The following ADK variants were observed in gnomAD, a reference collection of about 807,000 sequenced individuals.
ADK encodes the protein adenosine kinase, also known as N6,N6-dimethyladenosine kinase.
Under a neutral mutation model 44.7 loss-of-function variants are expected in ADK, and 24 were observed. The ratio of observed to expected loss-of-function variants is 0.54; its 90% confidence interval spans 0.39 to 0.76. ADK has a LOEUF of 0.76. ADK is among the 30% of genes least tolerant of loss of function. The pLI is 0.00. For synonymous variants in ADK, 128 were observed against 142.6 expected, an observed-to-expected ratio of 0.90 and a Z score of 0.73; for missense variants, 321 against 425.1, an observed-to-expected ratio of 0.76 and a Z score of 2.15.
chr10:74,422,366 A>C (rs960947536), intron 6 of ADK, among the ~76,000 whole-genome samples: 1 of 152,244 alleles, frequency 6.6e-6, no homozygotes, highest in Non-Finnish European at 1.5e-5. Flanking sequence ...AGAAGAGACT[A>C]CAGAGTCATG....
intron 10 of ADK, among the ~76,000 whole-genome samples, chr10:74,676,059 A>G (rs77100218): frequency 2.0e-5 from 3 of 151,234 alleles, no homozygotes; most frequent in Non-Finnish European, 3.0e-5. Flanking sequence ...AAAAAAAAAA[A>G]CACCTTCATT....
chr10:74,225,763 C>G (rs1411898467), intron 3 of ADK, among the ~76,000 whole-genome samples: 1 of 152,080 alleles, frequency 6.6e-6, no homozygotes, highest in African/African-American at 2.4e-5. Context: ...ATAGTGGGTT[C>G]TCAAATATAT....
intron 6 of ADK, among the ~76,000 whole-genome samples, chr10:74,514,667 T>C (rs1848489835): frequency 1.3e-5 from 2 of 152,208 alleles, no homozygotes; most frequent in Non-Finnish European, 1.5e-5. Context: ...CTCCTGACTT[T>C]GTTGAGTTAT....
At chr10:74,572,627 C>T (rs1851011975) in intron 7 of ADK, among the ~76,000 whole-genome samples, 1 of 152,218 alleles carries the variant, frequency 6.6e-6, no homozygotes, top group South Asian at 2.1e-4. Flanking sequence ...CTCCCCGTCA[C>T]TTTCAGGTAC....
intron 6 of ADK, among the ~76,000 whole-genome samples, chr10:74,478,862 G>T (rs1846956949): frequency 6.6e-6 from 1 of 152,134 alleles, no homozygotes; most frequent in Non-Finnish European, 1.5e-5. Flanking sequence ...GCTTACAAAA[G>T]GATTCGTTTC....
intron 3 of ADK, among the ~76,000 whole-genome samples, chr10:74,262,149 T>C (rs1469847726): frequency 1.3e-5 from 2 of 151,946 alleles, no homozygotes; most frequent in Non-Finnish European, 2.9e-5. Flanking sequence ...CGAAACCCTG[T>C]GTCTACTAAA....
chr10:74,654,668 C>T (rs867594511), intron 9 of ADK, among the ~76,000 whole-genome samples: 3 of 152,116 alleles, frequency 2.0e-5, no homozygotes, highest in Non-Finnish European at 2.9e-5. Flanking sequence ...AAAAATTAGC[C>T]GGGTGTGGTG....
intron 3 of ADK, among the ~76,000 whole-genome samples, chr10:74,249,569 T>A (rs1424260182): frequency 6.6e-6 from 1 of 152,128 alleles, no homozygotes; most frequent in Non-Finnish European, 1.5e-5. Context: ...GACATAGGTC[T>A]TACAAAGTTC....
intron 6 of ADK, among the ~76,000 whole-genome samples, chr10:74,426,416 A>G (rs1431476142): frequency 1.3e-5 from 2 of 152,244 alleles, no homozygotes; most frequent in Non-Finnish European, 2.9e-5. Flanking sequence ...ATAGACTACT[A>G]TGTTTATAAA....
intron 1 of ADK, among the ~76,000 whole-genome samples, chr10:74,195,920 G>A (rs1352254864): frequency 2.6e-5 from 4 of 150,988 alleles, no homozygotes; most frequent in Admixed American, 6.6e-5. Context: ...GAGGCAATGC[G>A]CCCGCCTCAG....
intron 7 of ADK, among the ~76,000 whole-genome samples, chr10:74,567,699 GT>G (rs56042541): frequency 0.024 from 2,738 of 112,266 alleles, 25 homozygotes; most frequent in African/African-American, 0.059. Context: ...TGTTTTTTTT[GT>G]TTTTTTTTTT....
At chr10:74,520,875 C>T (rs16931472) in intron 6 of ADK, among the ~76,000 whole-genome samples, 4,531 of 152,204 alleles carry the variant, frequency 0.03, 195 homozygotes, top group African/African-American at 0.091. Flanking sequence ...TTCTAATTAA[C>T]GTTATCCAGC....
chr10:74,314,012 C>T (rs1318768826), intron 3 of ADK, among the ~76,000 whole-genome samples: 2 of 109,322 alleles, frequency 1.8e-5, no homozygotes, highest in Admixed American at 2.0e-4. Context: ...TCTCTAGCTG[C>T]ATCTTTTCAT....
At chr10:74,252,803 G>A (rs942895953) in intron 3 of ADK, among the ~76,000 whole-genome samples, 1 of 152,126 alleles carries the variant, frequency 6.6e-6, no homozygotes, top group Admixed American at 6.5e-5. Flanking sequence ...TGGGTGAGGC[G>A]GGGTAAGATT....
intron 6 of ADK, chr10:74,516,670 C>T: frequency 6.6e-6 from 1 of 152,158 alleles, no homozygotes; most frequent in Non-Finnish European, 1.5e-5. Context: ...ACTACAGGCA[C>T]CCACCACCAC....
intron 3 of ADK, among the ~76,000 whole-genome samples, chr10:74,233,586 A>G (rs890639702): frequency 5.9e-5 from 9 of 152,208 alleles, no homozygotes; most frequent in African/African-American, 1.9e-4. Flanking sequence ...GAAACCATAT[A>G]GGAGAGGAAA....
chr10:74,450,938 G>A lies in ADK; in HGVS notation c.555+52359G>A, dbSNP rs374021475. Among the ~76,000 whole-genome samples the A allele has an allele frequency of 4.0e-5, 6 of 151,862 alleles. No homozygotes were observed. In the South Asian group the frequency reaches 1.2e-3, roughly 32 times the overall value. ...ATTGGTCTGTTAATATATATAAATT[G>A]CTCTGTTTCCTGCTATCTTTCCATT... is the stretch of plus-strand genomic sequence containing the variant. On this transcript the variant is annotated intron_variant, in intron 6 of 10. Transcript: ENST00000539909.
At chr10:74,451,067 CTTTTTTTTTT>C (rs35120068) in intron 6 of ADK, among the ~76,000 whole-genome samples, 3 of 72,164 alleles carry the variant, frequency 4.2e-5, no homozygotes, top group East Asian at 4.1e-4. Context: ...GCTCTGCTGC[CTTTTTTTTTT>C]TTTTTTTTTT....
intron 3 of ADK, among the ~76,000 whole-genome samples, chr10:74,280,629 A>G (rs1754467844): frequency 6.6e-6 from 1 of 152,142 alleles, no homozygotes; most frequent in Non-Finnish European, 1.5e-5. Flanking sequence ...AATGCCACCC[A>G]GTGTAATGCT....
Sources: allele counts gnomAD v4.1 joint callset (sites outside exome capture counted in the v4.1 genomes callset), GRCh38; gene constraint gnomAD v4.1.1; transcripts MANE v1.5; gene names NCBI Gene and HGNC (gene_info 2026-07-23, HGNC 2026-07-21).